The following CLEC2L variants were observed in gnomAD, a reference collection of about 807,000 sequenced individuals.
The protein encoded by CLEC2L is C-type lectin domain family 2 member L, also known as C-type lectin domain family 2, member L.
CLEC2L carries 14 observed loss-of-function variants against 23.6 expected under a neutral mutation model. The ratio of observed to expected loss-of-function variants is 0.59; its 90% CI spans 0.39 to 0.93. CLEC2L has a LOEUF of 0.93. Among genes scored for constraint, CLEC2L ranks in the 40% least tolerant of loss-of-function variants. CLEC2L has a pLI of 0.00. For synonymous variants in CLEC2L, 114 were observed against 121.3 expected, an observed-to-expected ratio of 0.94 and a Z score of 0.40; for missense variants, 264 against 282.4, an observed-to-expected ratio of 0.93 and a Z score of 0.47.
At position 139,540,348 on chromosome 7, in the gene CLEC2L, C is replaced by A; in HGVS notation, c.293C>A (p.Ala98Glu). 1.9e-6 allele frequency: 3 copies of A among 1,611,264 alleles called. No homozygotes were observed. Among genetic ancestry groups the A allele is most frequent in the South Asian group, 1.1e-5 (1 of 90,292 alleles). The part of the protein sequence containing the change: ...LASKGCIKCE[A>E]PCPEDWLLYG... ...TCCAAGGGCTGCATCAAGTGCGAAG[C>A]GCCCTGCCCGGAGGACTGGCTGCTC... Residue 98 changes from alanine (A) to glutamate (E), a missense_variant, in exon 3 of 5, where the codon GCG (alanine) becomes GAG (glutamate). Coordinates refer to ENST00000422142, the MANE Select transcript of CLEC2L (RefSeq NM_001080511.4). This position sits in a 1 kb window ranked among gnomAD's most constrained non-coding sequence, Gnocchi z 5.8.
At position 139,536,264 on chromosome 7, in the gene CLEC2L, CTT is replaced by C. The variant is rs1162530650; in HGVS notation, c.191-9_191-8del. 1 of 1,550,860 alleles carries C rather than the reference CTT, an allele frequency of 6.4e-7. No homozygotes were observed. Among genetic ancestry groups the C allele is most frequent in the Non-Finnish European group, 8.7e-7 (1 of 1,146,554 alleles). ...GCGGTGGGATGTTGAACCCCTCTCT[CTT>C]CTCCTAGACACCACCACACGCCTCC... is the stretch of plus-strand genomic sequence containing the variant. On this transcript the variant is annotated splice_polypyrimidine_tract_variant and splice_region_variant and intron_variant, in intron 1 of 4. Coordinates refer to ENST00000422142, the MANE Select transcript of CLEC2L (RefSeq NM_001080511.4).
rs1797777856 is a variant in CLEC2L, at chr7:139,544,315, G to A, written c.618G>A (p.Trp206Ter). Residue 206 changes from tryptophan (W) to a stop codon, truncating the protein, a stop_gained, in exon 5 of 5, where the codon TGG (tryptophan) becomes TGA (stop). Transcript: ENST00000422142. LOFTEE classifies it high-confidence loss of function. ...VSTECLMTRP[W>*]VCSKMAYT ...CGGAGTGTCTGATGACCCGGCCCTGGGTGTGCAGCAAGATGGCCTATACTT... is the reference window on the plus strand; with the variant it reads ...CGGAGTGTCTGATGACCCGGCCCTGAGTGTGCAGCAAGATGGCCTATACTT... 2 of 1,612,812 alleles carry A rather than the reference G, an allele frequency of 1.2e-6. No individual in the cohort carries two copies. The highest frequency in any genetic ancestry group is 1.7e-6 in the Non-Finnish European group (2 of 1,179,496).
intron 4 of CLEC2L, among the ~76,000 whole-genome samples, chr7:139,543,962 C>A (rs1314638103): frequency 1.3e-5 from 2 of 152,126 alleles, no homozygotes; most frequent in South Asian, 2.1e-4. Context: ...GTGAGCCGAC[C>A]CTGCAAGGAC....
chr7:139,540,636 C>A lies in CLEC2L; in HGVS notation c.432+149C>A. 1.2e-6 allele frequency: 1 copy of A among 861,900 alleles called. No individual in the cohort carries two copies. The allele number at this position is 861,900 out of a possible 1,614,324, so 53.4% of individuals were successfully genotyped here. ...ACCTGCTGCATAACCACTTGGGGTGCAGGCAGACCTCACAGTCTGAGCAGG... is the reference window on the plus strand; with the variant it reads ...ACCTGCTGCATAACCACTTGGGGTGAAGGCAGACCTCACAGTCTGAGCAGG... On this transcript the variant is annotated intron_variant, in intron 3 of 4. Coordinates refer to ENST00000422142, the MANE Select transcript of CLEC2L (RefSeq NM_001080511.4). This position sits in a 1 kb window ranked among gnomAD's most constrained non-coding sequence, Gnocchi z 5.8.
chr7:139,544,308 G>A lies in CLEC2L; in HGVS notation c.611G>A (p.Arg204Gln), dbSNP rs763079973. ...GTGTCGACGGAGTGTCTGATGACCC[G>A]GCCCTGGGTGTGCAGCAAGATGGCC... ...RLVSTECLMT[R>Q]PWVCSKMAYT Residue 204 changes from arginine to glutamine, a missense_variant, in exon 5 of 5, where the codon CGG becomes CAG. By Grantham distance (43) the Arg-to-Gln change is conservative. Transcript: ENST00000422142. The A allele has an allele frequency of 3.7e-6, 6 of 1,613,082 alleles. No homozygotes were observed. The highest frequency in any genetic ancestry group is 2.7e-5 in the African/African-American group (2 of 75,034).
intron 1 of CLEC2L, among the ~76,000 whole-genome samples, chr7:139,526,313 A>C (rs1395710646): frequency 3.3e-5 from 5 of 152,052 alleles, no homozygotes; most frequent in African/African-American, 1.2e-4. Context: ...AGTTTGTCCC[A>C]TGTAGGAACT....
chr7:139,525,600 C>T lies in CLEC2L; in HGVS notation c.190+1483C>T, dbSNP rs139236805. ...CTGTTGGAGTGGCCCTGTGTTCCCA[C>T]GCTTCACTCCTGCCAAAGCTATTTC... On this transcript the variant is annotated intron_variant, in intron 1 of 4. Coordinates refer to ENST00000422142, the MANE Select transcript of CLEC2L (RefSeq NM_001080511.4). 3.6e-3 allele frequency among the ~76,000 whole-genome samples: 547 copies of T among 152,294 alleles called. 2 individuals are homozygous for T. The highest frequency in any genetic ancestry group is 0.012 in the African/African-American group (502 of 41,560).
chr7:139,528,535 A>T (rs981880514), intron 1 of CLEC2L, among the ~76,000 whole-genome samples: 2 of 152,190 alleles, frequency 1.3e-5, no homozygotes, highest in African/African-American at 4.8e-5. Context: ...TTATAAAACC[A>T]TCAGATCTTG....
At position 139,544,323 on chromosome 7, in the gene CLEC2L, G is replaced by T. The variant is rs757532286; in HGVS notation, c.626G>T (p.Ser209Ile). Residue 209 changes from serine (S) to isoleucine (I), a missense_variant, in exon 5 of 5, where the codon AGC becomes ATC. By Grantham distance (142) the Ser-to-Ile change is moderately radical (BLOSUM62 -2). Transcript: ENST00000422142. ...ECLMTRPWVC[S>I]KMAYT ...CTGATGACCCGGCCCTGGGTGTGCA[G>T]CAAGATGGCCTATACTTGAGGTGGG... 6.4e-5 allele frequency: 103 copies of T among 1,612,300 alleles called. No homozygotes were observed. In the African/African-American group the frequency reaches 1.1e-3, roughly 17 times the overall value.
rs1797784330 is a variant in CLEC2L at position 139,544,636 on chromosome 7, G to A, written c.*294G>A. 8.7e-6 allele frequency: 3 copies of A among 346,758 alleles called. No homozygotes were observed. The South Asian group carries it at 1.3e-4, about 15-fold the overall frequency. The allele number at this position is 346,758 out of a possible 1,614,324, so 21.5% of individuals were successfully genotyped here. ...ATAGGTACACGCACGCACAGACGCTGTCCCTTCTGAAGCTCAGTGTCCATC... is the reference window on the plus strand; with the variant it reads ...ATAGGTACACGCACGCACAGACGCTATCCCTTCTGAAGCTCAGTGTCCATC... On this transcript the variant is annotated 3_prime_UTR_variant, in exon 5 of 5. Coordinates refer to ENST00000422142, the MANE Select transcript of CLEC2L (RefSeq NM_001080511.4).
Position 139,523,957 on chromosome 7 carries a change from G to A in CLEC2L, c.30G>A (p.Arg10=). The A allele has an allele frequency of 1.0e-6, 1 of 972,724 alleles. No homozygotes were observed. The highest frequency in any genetic ancestry group is 1.2e-6 in the Non-Finnish European group (1 of 821,358). The allele number at this position is 972,724 out of a possible 1,614,324, so 60.3% of individuals were successfully genotyped here. The change falls in exon 1 of 5, where the codon CGG becomes CGA. Residue 10 remains arginine, a synonymous_variant. Coordinates refer to ENST00000422142, the MANE Select transcript of CLEC2L (RefSeq NM_001080511.4). The surrounding 1 kb of genome is among the most constrained non-coding windows in gnomAD (Gnocchi z 4.1). ...AGCCGGCCCGGGAGCCCCCCTCGCGGGCCCGGCCGCCGCCGCCCCTCGCCG... is the reference window on the plus strand; with the variant it reads ...AGCCGGCCCGGGAGCCCCCCTCGCGAGCCCGGCCGCCGCCGCCCCTCGCCG... The part of the protein sequence containing the change: MEPAREPPS[R]ARPPPPLAAR...
chr7:139,534,580 T>TG, intron 1 of CLEC2L: 2 of 726,564 alleles, frequency 2.8e-6, no homozygotes, highest in East Asian at 2.5e-5. Context: ...TTAGGGGGGT[T>TG]GGGGGTGGGC....
intron 2 of CLEC2L, among the ~76,000 whole-genome samples, chr7:139,536,879 G>T (rs764734174): frequency 2.0e-5 from 3 of 150,222 alleles, no homozygotes; most frequent in Admixed American, 6.7e-5. Context: ...GGAGGCTGAG[G>T]CAGGAGAATC....
At position 139,523,903 on chromosome 7, in the gene CLEC2L, G is replaced by T. The variant is rs1797466014; in HGVS notation, c.-25G>T. 2 of 978,108 alleles carry T rather than the reference G, an allele frequency of 2.0e-6. No individual in the cohort carries two copies. The highest frequency in any genetic ancestry group is 6.4e-5 in the Admixed American group (1 of 15,710). 60.6% of individuals were successfully genotyped at this position (978,108 alleles called of 1,614,324 possible). Reference sequence around the variant, plus strand: ...CCCCGCACCCCGGTGCAGGAGCGCGGGCGCGGCGCGGCGGAGCGCCCCGCA... The same window carrying T: ...CCCCGCACCCCGGTGCAGGAGCGCGTGCGCGGCGCGGCGGAGCGCCCCGCA... On this transcript the variant is annotated 5_prime_UTR_variant, in exon 1 of 5. Transcript: ENST00000422142. The surrounding 1 kb of genome is among the most constrained non-coding windows in gnomAD (Gnocchi z 4.1).
Position 139,539,946 on chromosome 7 carries a change from A to C in CLEC2L, c.266-375A>C. ...TTGGTAGCTAACATGGGCATGGTTA[A>C]TGACAGCGGGCAGTCTGTCCTGCTG... On this transcript the variant is annotated intron_variant, in intron 2 of 4. Transcript: ENST00000422142. The surrounding 1 kb of genome is among the most constrained non-coding windows in gnomAD (Gnocchi z 4.1). 4.6e-6 allele frequency: 1 copy of C among 215,918 alleles called. No individual in the cohort carries two copies. Among genetic ancestry groups the C allele is most frequent in the Non-Finnish European group, 9.2e-6 (1 of 108,374 alleles). 13.4% of individuals were successfully genotyped at this position (215,918 alleles called of 1,614,324 possible). A position where few individuals can be genotyped will look rare whatever the true frequency, so the allele number is the denominator to read the frequency against.
rs1052480682 is a variant in CLEC2L, at chr7:139,523,982, G to GCGCGCCC, written c.63_69dup (p.Ala24ArgfsTer16). 3.4e-5 allele frequency: 33 copies of GCGCGCCC among 980,206 alleles called. No homozygotes were observed. Among genetic ancestry groups the GCGCGCCC allele is most frequent in the Non-Finnish European group, 3.9e-5 (32 of 825,592 alleles). The allele number at this position is 980,206 out of a possible 1,614,324, so 60.7% of individuals were successfully genotyped here. On this transcript the variant is annotated frameshift_variant, in exon 1 of 5. Transcript: ENST00000422142. LOFTEE classifies it high-confidence loss of function. This position sits in a 1 kb window ranked among gnomAD's most constrained non-coding sequence, Gnocchi z 4.1. ...GGCCCGGCCGCCGCCGCCCCTCGCC[G>GCGCGCCC]CGCGCCCCGCGCCCGCCCCCGCCGC...
chr7:139,524,623 C>A (rs929627075), intron 1 of CLEC2L, among the ~76,000 whole-genome samples: 1 of 152,170 alleles, frequency 6.6e-6, no homozygotes, highest in Non-Finnish European at 1.5e-5. Flanking sequence ...GAGGCTCTTC[C>A]TTGCAAGGTC....
At chr7:139,536,897 C>G (rs1027675238) in intron 2 of CLEC2L, among the ~76,000 whole-genome samples, 2 of 149,752 alleles carry the variant, frequency 1.3e-5, no homozygotes, top group Non-Finnish European at 3.0e-5. Flanking sequence ...ATCGCTGGAA[C>G]CTGGGAGGCA....
In CLEC2L at chr7:139,523,703, G is replaced by A. The variant is rs1278764173; in HGVS notation, c.-225G>A. Among the ~76,000 whole-genome samples, 2 of 150,882 alleles carry A rather than the reference G, an allele frequency of 1.3e-5. No individual in the cohort carries two copies. The highest frequency in any genetic ancestry group is 2.4e-5 in the African/African-American group (1 of 41,256). On this transcript the variant is annotated 5_prime_UTR_variant, in exon 1 of 5. Transcript: ENST00000422142. This position sits in a 1 kb window ranked among gnomAD's most constrained non-coding sequence, Gnocchi z 4.1. ...CCTCCCCAGCCCGGCTGTGCGTGGA[G>A]GCTGCGGCTCGGCGGGGCAGGCGCT...
Sources: allele counts gnomAD v4.1 joint callset (sites outside exome capture counted in the v4.1 genomes callset), GRCh38; gene constraint gnomAD v4.1.1; non-coding constraint Gnocchi (gnomAD v3.1); transcripts MANE v1.5; gene names NCBI Gene and HGNC (gene_info 2026-07-23, HGNC 2026-07-21).